The following GMDS variants were observed in gnomAD, a reference collection of about 807,000 sequenced individuals.
The protein encoded by GMDS is GDP-mannose 4,6 dehydratase.
A neutral mutation model predicts 49.9 loss-of-function variants in GMDS; 20 were observed. The observed-to-expected ratio is 0.40, with a 90% CI of 0.28 to 0.58. The LOEUF (loss-of-function observed/expected upper bound fraction) is 0.58, where lower values mean the gene tolerates loss of function less well. Ranked by LOEUF, GMDS falls within the 20% of genes least tolerant of loss-of-function variation. The pLI is 0.42. For missense variants in GMDS, 362 were observed against 481.4 expected, an observed-to-expected ratio of 0.75 and a Z score of 2.32; for synonymous variants, 177 against 178.6, an observed-to-expected ratio of 0.99 and a Z score of 0.07.
chr6:1,865,324 T>C (rs1286046029), intron 7 of GMDS, among the ~76,000 whole-genome samples: 1 of 152,232 alleles, frequency 6.6e-6, no homozygotes, highest in Non-Finnish European at 1.5e-5. Flanking sequence ...AACTACTTGG[T>C]GTCAAGTCTA....
rs143766351 is a variant in GMDS at position 2,047,896 on chromosome 6, T to C, written c.345+67875A>G. On this transcript the variant is annotated intron_variant, in intron 4 of 10. Coordinates refer to ENST00000380815, the MANE Select transcript of GMDS (RefSeq NM_001500.4). Reference sequence around the variant, plus strand: ...GGAAATTCCACAAGGAAATTACATGTAGTGTTAGAAAACTTGGCAAAGTTT... The same window carrying C: ...GGAAATTCCACAAGGAAATTACATGCAGTGTTAGAAAACTTGGCAAAGTTT... 3.6e-3 allele frequency among the ~76,000 whole-genome samples: 546 copies of C among 152,346 alleles called. 3 individuals carry two copies. The highest frequency in any genetic ancestry group is 0.012 in the African/African-American group (506 of 41,584).
chr6:1,805,214 T>G (rs1416770083), intron 7 of GMDS, among the ~76,000 whole-genome samples: 1 of 152,238 alleles, frequency 6.6e-6, no homozygotes, highest in Non-Finnish European at 1.5e-5. Flanking sequence ...TATTAAATAT[T>G]AATATAAGAA....
intron 4 of GMDS, among the ~76,000 whole-genome samples, chr6:2,048,175 T>C (rs1041182542): frequency 2.6e-5 from 4 of 152,168 alleles, no homozygotes; most frequent in Non-Finnish European, 5.9e-5. Flanking sequence ...GCTTTTTATG[T>C]CCTGTATGAG....
chr6:2,162,988 C>A (rs919266075), intron 1 of GMDS, among the ~76,000 whole-genome samples: 2 of 152,136 alleles, frequency 1.3e-5, no homozygotes, highest in Non-Finnish European at 2.9e-5. Context: ...ATTAGAGGAG[C>A]AACAGCCCAC....
intron 4 of GMDS, among the ~76,000 whole-genome samples, chr6:1,984,413 A>C (rs1765416695): frequency 6.6e-6 from 1 of 151,752 alleles, no homozygotes; most frequent in Non-Finnish European, 1.5e-5. Flanking sequence ...CCCGCCTCCA[A>C]AAACAAGAGA....
At chr6:1,982,783 T>C (rs1375681239) in intron 4 of GMDS, among the ~76,000 whole-genome samples, 1 of 152,134 alleles carries the variant, frequency 6.6e-6, no homozygotes, top group Non-Finnish European at 1.5e-5. Flanking sequence ...ATCAATATCA[T>C]GAAAATGGCC....
chr6:2,103,233 C>T (rs1002828021), intron 4 of GMDS, among the ~76,000 whole-genome samples: 1 of 152,134 alleles, frequency 6.6e-6, no homozygotes, highest in Admixed American at 6.5e-5. Context: ...TGGCAATATG[C>T]TCTCAAGTAA....
intron 4 of GMDS, among the ~76,000 whole-genome samples, chr6:1,997,319 C>A (rs1766348501): frequency 6.6e-6 from 1 of 152,026 alleles, no homozygotes; most frequent in South Asian, 2.1e-4. Flanking sequence ...ACCATCCTGG[C>A]CAACATGGTG....
chr6:2,120,453 T>C (rs1191898875), intron 2 of GMDS, among the ~76,000 whole-genome samples: 1 of 152,130 alleles, frequency 6.6e-6, no homozygotes. Flanking sequence ...TAACAAAAAA[T>C]CTCCCAGAGA....
At position 1,947,732 on chromosome 6, in the gene GMDS, A is replaced by T. The variant is rs555672088; in HGVS notation, c.643+12135T>A. ...ATTAGAGTTTGTCCACACCAGAAAC[A>T]TCTAATAACAATATCTGGGAATTAG... On this transcript the variant is annotated intron_variant, in intron 6 of 10. Coordinates refer to ENST00000380815, the MANE Select transcript of GMDS (RefSeq NM_001500.4). 1.1e-4 allele frequency among the ~76,000 whole-genome samples: 17 copies of T among 152,372 alleles called. No homozygotes were observed. The South Asian group carries it at 3.5e-3, about 32-fold the overall frequency.
chr6:2,161,369 T>C (rs1777392933), intron 1 of GMDS, among the ~76,000 whole-genome samples: 1 of 152,112 alleles, frequency 6.6e-6, no homozygotes, highest in Admixed American at 6.6e-5. Context: ...TTAGTTTTGC[T>C]CACTGACTGA....
At chr6:1,661,422 C>T (rs974591978) in intron 9 of GMDS, among the ~76,000 whole-genome samples, 3 of 152,152 alleles carry the variant, frequency 2.0e-5, no homozygotes, top group African/African-American at 7.2e-5. Context: ...TTAATATAGA[C>T]GACACCCCTG....
At chr6:1,624,575 G>A (rs746362019) in intron 9 of GMDS, 35 bp from the exon 10 acceptor site, 14 of 1,484,848 alleles carry the variant, frequency 9.4e-6, no homozygotes, top group Non-Finnish European at 1.3e-5. Flanking sequence ...AGCAGGCGTG[G>A]GTCGTGGGGG....
At chr6:1,876,795 C>T (rs540335189) in intron 7 of GMDS, among the ~76,000 whole-genome samples, 3 of 152,330 alleles carry the variant, frequency 2.0e-5, no homozygotes, top group Admixed American at 1.3e-4. Context: ...ATGTTTCCTT[C>T]CTTTTTGATT....
At position 2,035,238 on chromosome 6, in the gene GMDS, C is replaced by T. The variant is rs993328851; in HGVS notation, c.346-74272G>A. ...CATTATGAAAGGTGTTAATCATTAA[C>T]AAAGATGTCAAATTAACTGTTCTCC... is the stretch of plus-strand genomic sequence containing the variant. On this transcript the variant is annotated intron_variant, in intron 4 of 10. Coordinates refer to ENST00000380815, the MANE Select transcript of GMDS (RefSeq NM_001500.4). Among the ~76,000 whole-genome samples the T allele has an allele frequency of 2.0e-5, 3 of 152,100 alleles. No homozygotes were observed. The South Asian group carries it at 6.2e-4, about 32-fold the overall frequency.
intron 4 of GMDS, among the ~76,000 whole-genome samples, chr6:2,073,391 T>C (rs1192840575): frequency 1.3e-5 from 2 of 152,232 alleles, no homozygotes; most frequent in Non-Finnish European, 2.9e-5. Flanking sequence ...ATATTTTACA[T>C]ATTTTCAGAG....
chr6:1,821,413 G>A (rs1002851608), intron 7 of GMDS, among the ~76,000 whole-genome samples: 2 of 152,018 alleles, frequency 1.3e-5, no homozygotes, highest in Non-Finnish European at 2.9e-5. Context: ...GCTTTAGGGA[G>A]CAAACTCTGC....
rs1055601848 is a variant in GMDS at position 1,640,057 on chromosome 6, C to T, written c.988-15517G>A. 4.6e-5 allele frequency among the ~76,000 whole-genome samples: 7 copies of T among 152,088 alleles called. No individual in the cohort carries two copies. Among genetic ancestry groups the T allele is most frequent in the South Asian group, 2.1e-4 (1 of 4,824 alleles). ...CAGTGCCTGATGTTGGGTAAGTGCC[C>T]GACAGACAGCAGCTCCTGCCACTGC... On this transcript the variant is annotated intron_variant, in intron 9 of 10. Coordinates refer to ENST00000380815, the MANE Select transcript of GMDS (RefSeq NM_001500.4). The surrounding 1 kb of genome is among the most constrained non-coding windows in gnomAD (Gnocchi z 4.0).
At chr6:2,075,966 GTA>G (rs1437368287) in intron 4 of GMDS, among the ~76,000 whole-genome samples, 2 of 152,086 alleles carry the variant, frequency 1.3e-5, no homozygotes, top group African/African-American at 4.8e-5. Flanking sequence ...GTGTGAGATG[GTA>G]TCTCACTGTG....
Sources: gnomAD v4.1 joint callset for allele counts (sites outside exome capture counted in the v4.1 genomes callset) on GRCh38, gnomAD v4.1.1 for gene constraint, Gnocchi (gnomAD v3.1) non-coding constraint, MANE v1.5 for transcripts, NCBI Gene and HGNC (gene_info 2026-07-23, HGNC 2026-07-21) for gene names.